DSCAM: variants seen among roughly 807,000 people sequenced by gnomAD.
DSCAM encodes the protein cell adhesion molecule DSCAM.
DSCAM carries 47 observed loss-of-function variants against 217.7 expected under a neutral mutation model. The ratio of observed to expected loss-of-function variants is 0.22; its 90% CI spans 0.17 to 0.28. DSCAM has a LOEUF of 0.28. Among genes scored for constraint, DSCAM ranks in the 10% least tolerant of loss-of-function variants. DSCAM has a pLI of 1.00. For synonymous variants in DSCAM, 1,056 were observed against 1,015.3 expected, an observed-to-expected ratio of 1.04 and a Z score of -0.76; for missense variants, 2,080 against 2,618.3, an observed-to-expected ratio of 0.79 and a Z score of 4.49.
chr21:40,505,996 A>G (rs576245501), intron 3 of DSCAM, among the ~76,000 whole-genome samples: 7 of 152,356 alleles, frequency 4.6e-5, no homozygotes, highest in Non-Finnish European at 1.0e-4. Context: ...CACACACACA[A>G]AACAAGATAT....
At chr21:40,705,146 G>A (rs1164507600) in intron 2 of DSCAM, among the ~76,000 whole-genome samples, 1 of 152,210 alleles carries the variant, frequency 6.6e-6, no homozygotes, top group African/African-American at 2.4e-5. Context: ...GCTCAGAGGA[G>A]CCTTTCCAAA....
intron 3 of DSCAM, among the ~76,000 whole-genome samples, chr21:40,419,262 T>C (rs1040626656): frequency 6.6e-6 from 1 of 151,988 alleles, no homozygotes; most frequent in East Asian, 1.9e-4. Flanking sequence ...ATTACAGGCG[T>C]GAGCCACCAC....
At chr21:40,576,367 C>T (rs1337025149) in intron 3 of DSCAM, among the ~76,000 whole-genome samples, 1 of 152,154 alleles carries the variant, frequency 6.6e-6, no homozygotes, top group Non-Finnish European at 1.5e-5. Flanking sequence ...AATTTGTGTT[C>T]AAATCAGAAA....
At chr21:40,203,629 A>G (rs1601437619) in intron 11 of DSCAM, among the ~76,000 whole-genome samples, 1 of 152,256 alleles carries the variant, frequency 6.6e-6, no homozygotes, top group Non-Finnish European at 1.5e-5. Context: ...CATCTATCAA[A>G]TGGGTGCAAG....
chr21:40,828,085 AG>A (rs35779575), intron 1 of DSCAM, among the ~76,000 whole-genome samples: 2 of 152,036 alleles, frequency 1.3e-5, no homozygotes, highest in Non-Finnish European at 2.9e-5. Context: ...GAGCTGGAAG[AG>A]GGGGAAGTTG....
chr21:40,364,616 C>CAT (rs2074808567), intron 4 of DSCAM, among the ~76,000 whole-genome samples: 1 of 150,856 alleles, frequency 6.6e-6, no homozygotes. Flanking sequence ...CAACATGGCA[C>CAT]ATATATACAT....
intron 1 of DSCAM, among the ~76,000 whole-genome samples, chr21:40,762,052 T>G (rs1472020966): frequency 2.6e-5 from 4 of 151,964 alleles, no homozygotes; most frequent in Admixed American, 2.6e-4. Context: ...TTAAAGAAAC[T>G]AGAGAAGCAA....
intron 3 of DSCAM, among the ~76,000 whole-genome samples, chr21:40,489,523 C>T (rs2076057249): frequency 6.6e-6 from 1 of 152,056 alleles, no homozygotes; most frequent in Admixed American, 6.5e-5. Flanking sequence ...GCCTGTAATC[C>T]CAGCACTTTG....
At chr21:40,765,394 C>T (rs1246778814) in intron 1 of DSCAM, among the ~76,000 whole-genome samples, 1 of 152,178 alleles carries the variant, frequency 6.6e-6, no homozygotes, top group African/African-American at 2.4e-5. Flanking sequence ...TCCATCATGT[C>T]AGACTTAGCA....
chr21:40,521,642 G>GT (rs142320935), intron 3 of DSCAM, among the ~76,000 whole-genome samples: 19,074 of 151,976 alleles, frequency 0.13, 1,468 homozygotes, highest in South Asian at 0.28. Context: ...CAAATACCAC[G>GT]TTTTCACTCA....
rs559954321 is a variant in DSCAM at position 40,169,139 on chromosome 21, G to T, written c.2948-1851C>A. Among the ~76,000 whole-genome samples, 16 of 152,202 alleles carry T rather than the reference G, an allele frequency of 1.1e-4. No individual in the cohort carries two copies. In the South Asian group the frequency reaches 2.7e-3, roughly 26 times the overall value. On this transcript the variant is annotated intron_variant, in intron 15 of 32. Transcript: ENST00000400454. ...AAGATACAGGCTATGGAGTGAGTGG[G>T]GCAAAGGAACAAATACCTCTGGGAT...
At chr21:40,243,811 C>T (rs1953345112) in intron 11 of DSCAM, among the ~76,000 whole-genome samples, 1 of 152,154 alleles carries the variant, frequency 6.6e-6, no homozygotes, top group Non-Finnish European at 1.5e-5. Flanking sequence ...TGCCAGCAGC[C>T]ACCATTGCTT....
intron 6 of DSCAM, among the ~76,000 whole-genome samples, chr21:40,344,338 T>C (rs2074535064): frequency 6.6e-6 from 1 of 152,224 alleles, no homozygotes; most frequent in Admixed American, 6.5e-5. Context: ...CCATTTTATG[T>C]TCCATTTCTG....
chr21:40,321,137 C>A (rs2074254753), intron 8 of DSCAM, among the ~76,000 whole-genome samples: 1 of 152,160 alleles, frequency 6.6e-6, no homozygotes, highest in South Asian at 2.1e-4. Context: ...GCTAATGGAA[C>A]CATTGTTCCT....
intron 9 of DSCAM, among the ~76,000 whole-genome samples, chr21:40,304,981 T>C (rs2074056176): frequency 6.6e-6 from 1 of 152,134 alleles, no homozygotes; most frequent in South Asian, 2.1e-4. Context: ...AAATGTGACA[T>C]ACAGACACGA....
At chr21:40,466,916 A>T (rs1031165079) in intron 3 of DSCAM, among the ~76,000 whole-genome samples, 1 of 152,126 alleles carries the variant, frequency 6.6e-6, no homozygotes, top group Non-Finnish European at 1.5e-5. Context: ...TCACTTTTCA[A>T]ATTTACATTG....
At chr21:40,212,732 G>A (rs913512843) in intron 11 of DSCAM, among the ~76,000 whole-genome samples, 7 of 152,090 alleles carry the variant, frequency 4.6e-5, no homozygotes, top group Non-Finnish European at 8.8e-5. Context: ...CCCAACCCCT[G>A]GAATCTCAGA....
intron 22 of DSCAM, among the ~76,000 whole-genome samples, chr21:40,086,505 T>C (rs1568933305): frequency 6.6e-6 from 1 of 152,226 alleles, no homozygotes. Context: ...GTGCTTTTGC[T>C]TGAAAATAGG....
Position 40,339,244 on chromosome 21 carries a change from G to A in DSCAM, c.1382C>T (p.Ser461Leu), listed in dbSNP as rs957826009. The A allele has an allele frequency of 3.1e-6, 5 of 1,614,032 alleles. No individual in the cohort carries two copies. The highest frequency in any genetic ancestry group is 2.2e-5 in the South Asian group (2 of 91,092). Reference sequence around the variant, plus strand: ...CAGGTAGCTGACCACGTTCCCCTCCGACGTGATCATCTGGCTGATGCGGTG... The same window carrying A: ...CAGGTAGCTGACCACGTTCCCCTCCAACGTGATCATCTGGCTGATGCGGTG... Reference protein sequence around the residue: ...GSHRISQMITSEGNVVSYLNI... With the variant: ...GSHRISQMITLEGNVVSYLNI... Residue 461 changes from serine (S) to leucine (L), a missense_variant, in exon 7 of 33, where the codon TCG becomes TTG. Transcript: ENST00000400454.
Sources: gnomAD v4.1 joint callset for allele counts (sites outside exome capture counted in the v4.1 genomes callset) on GRCh38, gnomAD v4.1.1 for gene constraint, MANE v1.5 for transcripts, NCBI Gene and HGNC (gene_info 2026-07-23, HGNC 2026-07-21) for gene names.